Variants in SEC24A observed in about 807,000 individuals in gnomAD.
The protein encoded by SEC24A is protein transport protein Sec24A.
In SEC24A, 93 loss-of-function variants were observed where a neutral mutation model predicts 129.4. That is an observed-to-expected ratio of 0.72 (90% CI 0.61 to 0.85). The LOEUF is 0.85. SEC24A is among the 40% of genes least tolerant of loss of function. The pLI, the probability that SEC24A is intolerant of heterozygous loss-of-function variation, is 0.00. For synonymous variants in SEC24A, 460 were observed against 467.3 expected (o/e 0.98, Z 0.20); for missense variants, 1,264 against 1,307.4 (o/e 0.97, Z 0.51).
chr5:134,719,022 G>T (rs998874924), intron 20 of SEC24A, among the ~76,000 whole-genome samples: 1 of 151,072 alleles, frequency 6.6e-6, no homozygotes, highest in Non-Finnish European at 1.5e-5. Flanking sequence ...ATGATATAAA[G>T]AATATTTTTG....
At chr5:134,693,069 C>A in intron 12 of SEC24A, 1 of 1,535,992 alleles carries the variant, frequency 6.5e-7, no homozygotes. Context: ...CTCTTATTAC[C>A]TGCCTGGAAA....
intron 19 of SEC24A, among the ~76,000 whole-genome samples, chr5:134,716,698 T>A (rs1752485722): frequency 1.4e-5 from 2 of 145,730 alleles, no homozygotes; most frequent in South Asian, 4.6e-4. Flanking sequence ...CTCGGGAGGC[T>A]GAGGCAGGAG....
chr5:134,695,944 C>CAAAA (rs34026685), intron 13 of SEC24A, among the ~76,000 whole-genome samples: 1 of 67,722 alleles, frequency 1.5e-5, no homozygotes, highest in Non-Finnish European at 3.0e-5. Flanking sequence ...GACTCTGTCT[C>CAAAA]AAAAAAAAAA....
intron 21 of SEC24A, among the ~76,000 whole-genome samples, chr5:134,721,292 A>G (rs916679766): frequency 2.0e-5 from 3 of 152,006 alleles, no homozygotes; most frequent in African/African-American, 7.2e-5. Context: ...TATGCCAGCC[A>G]CAGCGGCTCA....
intron 19 of SEC24A, among the ~76,000 whole-genome samples, chr5:134,717,576 A>G (rs965521922): frequency 1.3e-5 from 2 of 152,186 alleles, no homozygotes; most frequent in Non-Finnish European, 1.5e-5. Context: ...GAGTCACAGT[A>G]GCTTAGTTAG....
In SEC24A at chr5:134,688,171, T is replaced by C. The variant is rs766392417; in HGVS notation, c.1605-10T>C. 1 of 1,477,420 alleles carries C rather than the reference T, an allele frequency of 6.8e-7. No individual in the cohort carries two copies. The highest frequency in any genetic ancestry group is 9.5e-7 in the Non-Finnish European group (1 of 1,056,094). 91.5% of individuals were successfully genotyped at this position (1,477,420 alleles called of 1,614,324 possible). On this transcript the variant is annotated splice_polypyrimidine_tract_variant and intron_variant, in intron 10 of 22. Coordinates refer to ENST00000398844, the MANE Select transcript of SEC24A (RefSeq NM_021982.3). Reference sequence around the variant, plus strand: ...AACTTGATAAAATACTCTTCTGAATTTGTTTTTAGGCTTCCTGGCAACACT... The same window carrying C: ...AACTTGATAAAATACTCTTCTGAATCTGTTTTTAGGCTTCCTGGCAACACT...
intron 21 of SEC24A, among the ~76,000 whole-genome samples, chr5:134,723,366 A>G (rs1316358822): frequency 2.0e-5 from 3 of 152,208 alleles, no homozygotes; most frequent in East Asian, 3.9e-4. Flanking sequence ...TCAGAAGGCT[A>G]TGGTGGGAGG....
chr5:134,715,083 A>G lies in SEC24A; in HGVS notation c.2787A>G (p.Gln929=). The G allele has an allele frequency of 1.9e-6, 3 of 1,612,686 alleles. No individual in the cohort carries two copies. Among genetic ancestry groups the G allele is most frequent in the Non-Finnish European group, 2.5e-6 (3 of 1,179,662 alleles). ...RLDERIFAMC[Q]VKNQPLVYLM... ...ATGAACGCATTTTTGCTATGTGTCAAGTGAAAAACCAGCCCTTGGTTTACC... is the reference window on the plus strand; with the variant it reads ...ATGAACGCATTTTTGCTATGTGTCAGGTGAAAAACCAGCCCTTGGTTTACC... The change falls in exon 19 of 23, where the codon CAA becomes CAG. Residue 929 remains glutamine (Q), a synonymous_variant. Transcript: ENST00000398844.
Position 134,718,168 on chromosome 5 carries a change from G to C in SEC24A, c.2965G>C (p.Gly989Arg). The change falls in exon 20 of 23, where the codon GGC (glycine) becomes CGC (arginine). Residue 989 changes from glycine (G) to arginine (R), a missense_variant. Transcript: ENST00000398844. ...SRDGAFLMDA[G>R]SVLMLWVGKN... ...AGATGGAGCTTTCCTCATGGATGCA[G>C]GCTCTGTAAGTAATTTGACTTATCC... 12 of 1,611,062 alleles carry C rather than the reference G, an allele frequency of 7.4e-6. No individual in the cohort carries two copies. Among genetic ancestry groups the C allele is most frequent in the Non-Finnish European group, 1.0e-5 (12 of 1,177,204 alleles).
At chr5:134,657,875 C>A (rs1275595961) in intron 1 of SEC24A, among the ~76,000 whole-genome samples, 1 of 152,112 alleles carries the variant, frequency 6.6e-6, no homozygotes, top group Non-Finnish European at 1.5e-5. Flanking sequence ...ACATGCCTGG[C>A]AAAAATTATT....
At position 134,692,640 on chromosome 5, in the gene SEC24A, T is replaced by C. The variant is rs1408615183; in HGVS notation, c.1762T>C (p.Leu588=). 2.1e-6 allele frequency: 3 copies of C among 1,415,830 alleles called. No homozygotes were observed. The South Asian group carries it at 3.5e-5, about 16-fold the overall frequency. The allele number at this position is 1,415,830 out of a possible 1,614,324, so 87.7% of individuals were successfully genotyped here. Residue 588 remains leucine, a synonymous_variant, in exon 12 of 23, where the codon TTA becomes CTA. Transcript: ENST00000398844. ...TATGCCAGAGAACTTATTAGTAAAC[T>C]TAAATGAAAGTAAAGAGGTAAGGCA... is the stretch of plus-strand genomic sequence containing the variant. The part of the protein sequence containing the change: ...IPMPENLLVN[L]NESKELVQDL...
chr5:134,708,994 C>A, intron 18 of SEC24A, 106 bp downstream of exon 18: 1 of 1,093,300 alleles, frequency 9.1e-7, no homozygotes, highest in Non-Finnish European at 1.3e-6. Context: ...TTGCTTGAGT[C>A]CAGGCATTTG....
chr5:134,684,369 T>C (rs1751378965), intron 9 of SEC24A, among the ~76,000 whole-genome samples: 2 of 151,490 alleles, frequency 1.3e-5, no homozygotes, highest in Non-Finnish European at 2.9e-5. Flanking sequence ...CATTTTTCTG[T>C]AAACTTATGA....
intron 1 of SEC24A, among the ~76,000 whole-genome samples, chr5:134,651,934 CT>C (rs11294954): frequency 0.049 from 6,585 of 135,148 alleles, 271 homozygotes; most frequent in African/African-American, 0.13. Context: ...GTTGAAAACT[CT>C]TTTTTTTTTT....
At chr5:134,678,291 G>C (rs1295402573) in intron 7 of SEC24A, among the ~76,000 whole-genome samples, 1 of 152,050 alleles carries the variant, frequency 6.6e-6, no homozygotes, top group Non-Finnish European at 1.5e-5. Context: ...CTTTATTATA[G>C]TTGAGAACTA....
At chr5:134,657,182 G>GCACA (rs70976550) in intron 1 of SEC24A, among the ~76,000 whole-genome samples, 8,841 of 136,216 alleles carry the variant, frequency 0.065, 723 homozygotes, top group African/African-American at 0.2. Flanking sequence ...TCTGAAAAAC[G>GCACA]CACACACACA....
chr5:134,659,039 C>G (rs551384032), intron 1 of SEC24A, among the ~76,000 whole-genome samples: 1 of 121,818 alleles, frequency 8.2e-6, no homozygotes. Flanking sequence ...AATCACTGAC[C>G]CATTTATTTT....
chr5:134,670,024 T>A (rs977585664), intron 3 of SEC24A, among the ~76,000 whole-genome samples: 12 of 152,254 alleles, frequency 7.9e-5, no homozygotes, highest in African/African-American at 2.9e-4. Context: ...CCTCCCAGGT[T>A]CAAGCGATTC....
chr5:134,658,361 A>C (rs147540554), intron 1 of SEC24A, among the ~76,000 whole-genome samples: 1 of 152,320 alleles, frequency 6.6e-6, no homozygotes, highest in African/African-American at 2.4e-5. Flanking sequence ...TGATTGTTTT[A>C]ATTTTGAATA....
Sources: allele counts gnomAD v4.1 joint callset (sites outside exome capture counted in the v4.1 genomes callset), GRCh38; gene constraint gnomAD v4.1.1; transcripts MANE v1.5; gene names NCBI Gene and HGNC (gene_info 2026-07-23, HGNC 2026-07-21).